The following WDR91 variants were observed in gnomAD, a reference collection of about 807,000 sequenced individuals.
WDR91 encodes the protein WD repeat-containing protein 91.
Under a neutral mutation model 88.4 loss-of-function variants are expected in WDR91, and 52 were observed. That is an observed-to-expected ratio of 0.59 (90% CI 0.47 to 0.74). The LOEUF (loss-of-function observed/expected upper bound fraction) is 0.74, where lower values mean the gene tolerates loss of function less well. WDR91 is among the 30% of genes least tolerant of loss of function. The pLI is 0.00. For synonymous variants in WDR91, 362 were observed against 389.5 expected (o/e 0.93, Z 0.83); for missense variants, 824 against 954.5 (o/e 0.86, Z 1.80).
rs1207158929 is a variant in WDR91 at position 135,209,660 on chromosome 7, G to A, written c.219C>T (p.Phe73=). The change falls in exon 2 of 15, where the codon TTC becomes TTT. Residue 73 remains phenylalanine (F), a synonymous_variant. Transcript: ENST00000354475. ...DYWSYLERRL[F]SRLEDIYRPT... ...GTCTGTATATATCCTCCAAGCGGCT[G>A]AAGAGCCGACGCTCCAAGTAGCTCC... 6.2e-7 allele frequency: 1 copy of A among 1,613,714 alleles called. No homozygotes were observed. The highest frequency in any genetic ancestry group is 8.5e-7 in the Non-Finnish European group (1 of 1,179,836).
At chr7:135,211,341 G>A (rs766594820) in intron 1 of WDR91, 39 bp downstream of exon 1, 57 of 1,585,814 alleles carry the variant, frequency 3.6e-5, no homozygotes, top group Non-Finnish European at 6.9e-6. Flanking sequence ...CGGCTCCCTC[G>A]GGCCGCCTCT....
chr7:135,196,047 C>A lies in WDR91; in HGVS notation c.1244+97G>T, dbSNP rs1016748697. 4.0e-6 allele frequency: 5 copies of A among 1,250,344 alleles called. No individual in the cohort carries two copies. The South Asian group carries it at 8.7e-5, about 22-fold the overall frequency. 77.5% of individuals were successfully genotyped at this position (1,250,344 alleles called of 1,614,324 possible). A position where few individuals can be genotyped will look rare whatever the true frequency, so the allele number is the denominator to read the frequency against. On this transcript the variant is annotated intron_variant, in intron 8 of 14. Coordinates refer to ENST00000354475, the MANE Select transcript of WDR91 (RefSeq NM_014149.4). The surrounding 1 kb of genome is among the most constrained non-coding windows in gnomAD (Gnocchi z 4.2). ...GCCATGACTGTGGCCCTCGTCCAAG[C>A]CCCCATTCTCCGCCATCTCCTGCTG... is the stretch of plus-strand genomic sequence containing the variant.
At chr7:135,188,669 C>G (rs1831045431) in intron 12 of WDR91, 124 bp from the exon 13 acceptor site, 3 of 812,794 alleles carry the variant, frequency 3.7e-6, no homozygotes, top group Non-Finnish European at 6.1e-6. Flanking sequence ...CAAGGGCAGG[C>G]ACCCAGGACC....
Position 135,196,275 on chromosome 7 carries a change from C to A in WDR91, c.1113G>T (p.Thr371=), listed in dbSNP as rs758689945. The A allele has an allele frequency of 2.5e-6, 4 of 1,610,996 alleles. 1 individual carries two copies. In the Admixed American group the frequency reaches 6.7e-5, roughly 27 times the overall value. The change falls in exon 8 of 15, where the codon ACG becomes ACT. Residue 371 remains threonine (T), a synonymous_variant. Coordinates refer to ENST00000354475, the MANE Select transcript of WDR91 (RefSeq NM_014149.4). The surrounding 1 kb of genome is among the most constrained non-coding windows in gnomAD (Gnocchi z 4.2). ...PEAEPCPELH[T]EPVEPLTRAS... ...CCCGAGTCAGTGGCTCCACTGGCTC[C>A]GTGTGGAGCTCTGGGCAGGGCTCAG...
At chr7:135,187,240 G>GA in intron 13 of WDR91, 71 bp from the exon 14 acceptor site, 2 of 1,543,002 alleles carry the variant, frequency 1.3e-6, no homozygotes, top group Non-Finnish European at 1.8e-6. Flanking sequence ...GAAGAGCCAG[G>GA]ACCCACCCCA....
chr7:135,207,422 G>A, intron 3 of WDR91: 2 of 544,814 alleles, frequency 3.7e-6, no homozygotes, highest in Non-Finnish European at 7.1e-6. Flanking sequence ...CAGATTCACA[G>A]ACGCATGACC....
At chr7:135,208,763 C>A (rs780567508) in intron 3 of WDR91, 28 bp downstream of exon 3, 3 of 1,550,006 alleles carry the variant, frequency 1.9e-6, no homozygotes, top group Non-Finnish European at 2.6e-6. Context: ...CAGGCTGGGC[C>A]TTCAGCCCCA....
At chr7:135,206,827 G>A (rs1485267243) in intron 4 of WDR91, among the ~76,000 whole-genome samples, 1 of 151,500 alleles carries the variant, frequency 6.6e-6, no homozygotes, top group Non-Finnish European at 1.5e-5. Context: ...CATGAAAACA[G>A]GTTAGTTATA....
intron 5 of WDR91, among the ~76,000 whole-genome samples, chr7:135,205,574 C>T (rs549563668): frequency 5.3e-5 from 8 of 152,200 alleles, no homozygotes; most frequent in East Asian, 3.9e-4. Flanking sequence ...CTGGCCAATA[C>T]GATGAAATCC....
At chr7:135,187,216 A>G (rs1468869360) in intron 13 of WDR91, 47 bp from the exon 14 acceptor site, 1 of 1,600,704 alleles carries the variant, frequency 6.2e-7, no homozygotes, top group Non-Finnish European at 8.5e-7. Flanking sequence ...GAGCTGGCCA[A>G]TGCAGGCCTC....
In WDR91 at chr7:135,199,847, G is replaced by A. The variant is rs3778768; in HGVS notation, c.892-1696C>T. The A allele has an allele frequency of 0.013, 1,974 of 152,250 alleles. 136 individuals carry two copies. The East Asian group carries it at 0.21, about 16-fold the overall frequency. 9.4% of individuals were successfully genotyped at this position (152,250 alleles called of 1,614,324 possible). ...AGTGCTCAATCAATTGGTGAATATT[G>A]ATGGAAGGAGGAGGCTTCGAATTCC... On this transcript the variant is annotated intron_variant, in intron 6 of 14. Transcript: ENST00000354475.
intron 6 of WDR91, among the ~76,000 whole-genome samples, 194 bp downstream of exon 6, chr7:135,204,074 T>A (rs1220817780): frequency 6.6e-6 from 1 of 152,128 alleles, no homozygotes; most frequent in Non-Finnish European, 1.5e-5. Context: ...TGCAGAACCA[T>A]CACTTTCTGA....
chr7:135,211,314 G>C, intron 1 of WDR91, 66 bp downstream of exon 1: 1 of 1,549,762 alleles, frequency 6.5e-7, no homozygotes, highest in East Asian at 2.4e-5. Context: ...GGCAGTGCTG[G>C]GGGGAAGCCC....
Position 135,211,523 on chromosome 7 carries a change from G to C in WDR91, c.-21C>G, listed in dbSNP as rs543788789. On this transcript the variant is annotated 5_prime_UTR_variant, in exon 1 of 15. Transcript: ENST00000354475. ...GCCATCGCAGCGCTAGCGTCTTTAG[G>C]GGTGGTGCGGTGAGGGACGGAGGGG... is the stretch of plus-strand genomic sequence containing the variant. 2 of 1,609,162 alleles carry C rather than the reference G, an allele frequency of 1.2e-6. No individual in the cohort carries two copies. Among genetic ancestry groups the C allele is most frequent in the African/African-American group, 1.3e-5 (1 of 74,228 alleles).
At chr7:135,203,945 C>A (rs1251830696) in intron 6 of WDR91, among the ~76,000 whole-genome samples, 1 of 152,216 alleles carries the variant, frequency 6.6e-6, no homozygotes, top group Non-Finnish European at 1.5e-5. Flanking sequence ...CAATCAAACA[C>A]CACAGTGCCT....
chr7:135,209,823 G>A, intron 1 of WDR91, 68 bp from the exon 2 acceptor site: 3 of 1,364,216 alleles, frequency 2.2e-6, no homozygotes, highest in Non-Finnish European at 2.9e-6. Flanking sequence ...ATGGAATAAA[G>A]CTTTTTCCTC....
At chr7:135,197,840 C>T (rs292581) in intron 7 of WDR91, 153 bp downstream of exon 7, 309,010 of 936,778 alleles carry the variant, frequency 0.33, 54,305 homozygotes, top group East Asian at 0.53. Flanking sequence ...AATGATGAAC[C>T]CAAATAACCA....
chr7:135,190,180 G>A (rs190090561), intron 11 of WDR91, among the ~76,000 whole-genome samples: 1 of 152,272 alleles, frequency 6.6e-6, no homozygotes, highest in Non-Finnish European at 1.5e-5. Flanking sequence ...CTACCCATGA[G>A]GAGCTCAGGA....
At chr7:135,209,109 T>C in intron 2 of WDR91, 111 bp from the exon 3 acceptor site, 3 of 856,080 alleles carry the variant, frequency 3.5e-6, no homozygotes, top group Non-Finnish European at 5.3e-6. Flanking sequence ...GCCAGGTAAG[T>C]GGCAAAATAA....
Sources: allele counts gnomAD v4.1 joint callset (sites outside exome capture counted in the v4.1 genomes callset), GRCh38; gene constraint gnomAD v4.1.1; non-coding constraint Gnocchi (gnomAD v3.1); transcripts MANE v1.5; gene names NCBI Gene and HGNC (gene_info 2026-07-23, HGNC 2026-07-21).